ADAM11: variants seen among roughly 807,000 people sequenced by gnomAD.
ADAM11 encodes the protein disintegrin and metalloproteinase domain-containing protein 11.
In ADAM11, 49 loss-of-function variants were observed where a neutral mutation model predicts 119.1. The ratio of observed to expected loss-of-function variants is 0.41; its 90% CI spans 0.33 to 0.52. The LOEUF (loss-of-function observed/expected upper bound fraction) is 0.52, where lower values mean the gene tolerates loss of function less well. ADAM11 is among the 20% of genes least tolerant of loss of function. The pLI is 0.20. For missense variants in ADAM11, 777 were observed against 1,047.5 expected (o/e 0.74, Z 3.56); for synonymous variants, 364 against 408.0 (o/e 0.89, Z 1.30).
chr17:44,772,516 G>C lies in ADAM11; in HGVS notation c.678+50G>C, dbSNP rs945072257. ...GGCTGCAGAGACCTCGGGCTGCAGA[G>C]AGACCTCAGGCCGTGGCCCAGAGCA... On this transcript the variant is annotated intron_variant, in intron 8 of 26. Coordinates refer to ENST00000200557, the MANE Select transcript of ADAM11 (RefSeq NM_002390.6). This position sits in a 1 kb window ranked among gnomAD's most constrained non-coding sequence, Gnocchi z 4.5. 17 of 1,542,388 alleles carry C rather than the reference G, an allele frequency of 1.1e-5. No individual in the cohort carries two copies. Among genetic ancestry groups the C allele is most frequent in the Non-Finnish European group, 1.4e-5 (16 of 1,141,616 alleles).
At position 44,777,661 on chromosome 17, in the gene ADAM11, CAG is replaced by C. The variant is rs761172718; in HGVS notation, c.1902-33_1902-32del. ...TGCAGCTGTGCTGGGGGTTAGGAGA[CAG>C]GGGGCTGAGGCTGGCTGTGTCACTT... On this transcript the variant is annotated intron_variant, in intron 22 of 26. Coordinates refer to ENST00000200557, the MANE Select transcript of ADAM11 (RefSeq NM_002390.6). This position sits in a 1 kb window ranked among gnomAD's most constrained non-coding sequence, Gnocchi z 5.1. 3 of 1,613,344 alleles carry C rather than the reference CAG, an allele frequency of 1.9e-6. No individual in the cohort carries two copies. The highest frequency in any genetic ancestry group is 2.5e-6 in the Non-Finnish European group (3 of 1,179,506).
Position 44,776,822 on chromosome 17 carries a change from G to T in ADAM11, c.1617+27G>T. The stretch of plus-strand genomic sequence containing the variant: ...TATGATGGCTGCCCCCTGAGCCTGG[G>T]ATTCAGGGCAGTCTCTTGTCTCCAC... On this transcript the variant is annotated intron_variant, in intron 19 of 26. Transcript: ENST00000200557. The surrounding 1 kb of genome is among the most constrained non-coding windows in gnomAD (Gnocchi z 5.2). 1 of 1,614,136 alleles carries T rather than the reference G, an allele frequency of 6.2e-7. No individual in the cohort carries two copies. Among genetic ancestry groups the T allele is most frequent in the East Asian group, 2.2e-5 (1 of 44,892 alleles).
chr17:44,777,634 G>T lies in ADAM11; in HGVS notation c.1901+33G>T. On this transcript the variant is annotated intron_variant, in intron 22 of 26. Coordinates refer to ENST00000200557, the MANE Select transcript of ADAM11 (RefSeq NM_002390.6). The surrounding 1 kb of genome is among the most constrained non-coding windows in gnomAD (Gnocchi z 5.1). ...CCAGGACCAAGACTAGGGAGGGGAG[G>T]TTGCAGCTGTGCTGGGGGTTAGGAG... The T allele has an allele frequency of 6.2e-7, 1 of 1,613,930 alleles. No homozygotes were observed.
rs1041614196 is a variant in ADAM11, at chr17:44,773,866, C to T, written c.993-429C>T. On this transcript the variant is annotated intron_variant, in intron 11 of 26. Transcript: ENST00000200557. This position sits in a 1 kb window ranked among gnomAD's most constrained non-coding sequence, Gnocchi z 4.6. Reference sequence around the variant, plus strand: ...ATCTCAGCACTTTGGGAGGCCAAGGCGGGTAGATCATTTCAGGTTACGAGT... The same window carrying T: ...ATCTCAGCACTTTGGGAGGCCAAGGTGGGTAGATCATTTCAGGTTACGAGT... 3.3e-5 allele frequency among the ~76,000 whole-genome samples: 5 copies of T among 152,044 alleles called. No homozygotes were observed. Among genetic ancestry groups the T allele is most frequent in the African/African-American group, 9.7e-5 (4 of 41,372 alleles).
In ADAM11 at chr17:44,773,392, T is replaced by C; in HGVS notation, c.957T>C (p.Gly319=). Residue 319 remains glycine (G), a synonymous_variant, in exon 11 of 27, where the codon GGT becomes GGC. Coordinates refer to ENST00000200557, the MANE Select transcript of ADAM11 (RefSeq NM_002390.6). This position sits in a 1 kb window ranked among gnomAD's most constrained non-coding sequence, Gnocchi z 4.6. ...GGCTCATGGTCTACCGACGGGAGGG[T>C]CTGCCTGAGCCCAGTGATGCCACCC... ...LARLMVYRRE[G]LPEPSDATHL... is the part of the protein sequence containing the mutation. 2 of 1,613,574 alleles carry C rather than the reference T, an allele frequency of 1.2e-6. No individual in the cohort carries two copies. Among genetic ancestry groups the C allele is most frequent in the Non-Finnish European group, 1.7e-6 (2 of 1,179,882 alleles).
chr17:44,772,886 T>C lies in ADAM11; in HGVS notation c.708T>C (p.Ser236=). 1 of 1,613,020 alleles carries C rather than the reference T, an allele frequency of 6.2e-7. No homozygotes were observed. The highest frequency in any genetic ancestry group is 8.5e-7 in the Non-Finnish European group (1 of 1,179,756). Residue 236 remains serine (S), a synonymous_variant, in exon 9 of 27, where the codon AGT becomes AGC. Transcript: ENST00000200557. This position sits in a 1 kb window ranked among gnomAD's most constrained non-coding sequence, Gnocchi z 4.5. ...GCCGGGGCCACCCTACAGTGCACAG[T>C]GAAACCAAGTATGTGGAGCTAATTG... is the stretch of plus-strand genomic sequence containing the variant. The part of the protein sequence containing the change: ...QVRRGHPTVH[S]ETKYVELIVI...
In ADAM11 at chr17:44,774,605, G is replaced by A. The variant is rs1261802860; in HGVS notation, c.1168+23G>A. On this transcript the variant is annotated intron_variant, in intron 13 of 26. Coordinates refer to ENST00000200557, the MANE Select transcript of ADAM11 (RefSeq NM_002390.6). Reference sequence around the variant, plus strand: ...CAGGTATCCTCCCCCAGAGGCCCCCGTGTGGCCCACGCCCAGCAGCTCTGG... The same window carrying A: ...CAGGTATCCTCCCCCAGAGGCCCCCATGTGGCCCACGCCCAGCAGCTCTGG... 5 of 1,608,970 alleles carry A rather than the reference G, an allele frequency of 3.1e-6. No individual in the cohort carries two copies. In the South Asian group the frequency reaches 3.3e-5, roughly 11 times the overall value.
intron 2 of ADAM11, among the ~76,000 whole-genome samples, chr17:44,766,012 G>A (rs2049445905): frequency 6.8e-6 from 1 of 148,098 alleles, no homozygotes; most frequent in African/African-American, 2.5e-5. Context: ...TGAGTGTTGA[G>A]CTCGTGGGCA....
chr17:44,779,720 T>C lies in ADAM11; in HGVS notation c.2295-19T>C. 1 of 1,591,740 alleles carries C rather than the reference T, an allele frequency of 6.3e-7. No individual in the cohort carries two copies. The highest frequency in any genetic ancestry group is 8.5e-7 in the Non-Finnish European group (1 of 1,173,844). On this transcript the variant is annotated intron_variant, in intron 26 of 26. Coordinates refer to ENST00000200557, the MANE Select transcript of ADAM11 (RefSeq NM_002390.6). Reference sequence around the variant, plus strand: ...GGCCCCTGCTCACGTCCTCCCCTGATGCCCCCTCTCCGTTCCAGGTCCGGA... The same window carrying C: ...GGCCCCTGCTCACGTCCTCCCCTGACGCCCCCTCTCCGTTCCAGGTCCGGA...
In ADAM11 at chr17:44,775,530, G is replaced by A; in HGVS notation, c.1393-54G>A. 1 of 1,568,660 alleles carries A rather than the reference G, an allele frequency of 6.4e-7. No individual in the cohort carries two copies. The highest frequency in any genetic ancestry group is 1.1e-5 in the South Asian group (1 of 87,436). ...CGGGGGTGGGCACGAGGGAGCGTCT[G>A]AGTGGGAGGATTAGGGCTCGCCCGC... On this transcript the variant is annotated intron_variant, in intron 16 of 26. Coordinates refer to ENST00000200557, the MANE Select transcript of ADAM11 (RefSeq NM_002390.6). This position sits in a 1 kb window ranked among gnomAD's most constrained non-coding sequence, Gnocchi z 7.5.
chr17:44,770,503 C>CG (rs1555552008), intron 4 of ADAM11, among the ~76,000 whole-genome samples: 20 of 135,076 alleles, frequency 1.5e-4, no homozygotes, highest in African/African-American at 5.6e-4. Context: ...CCCCCCCGCC[C>CG]CCACTGCCTG....
At chr17:44,765,303 G>T (rs2049434237) in intron 2 of ADAM11, among the ~76,000 whole-genome samples, 1 of 152,132 alleles carries the variant, frequency 6.6e-6, no homozygotes, top group Non-Finnish European at 1.5e-5. Flanking sequence ...CCACTCTGCA[G>T]CCACCTGGCC....
chr17:44,762,961 G>A lies in ADAM11; in HGVS notation c.237+3064G>A, dbSNP rs146543174. 6.5e-3 allele frequency among the ~76,000 whole-genome samples: 947 copies of A among 145,944 alleles called. 7 individuals are homozygous for A. Among genetic ancestry groups the A allele is most frequent in the Non-Finnish European group, 0.011 (714 of 66,574 alleles). On this transcript the variant is annotated intron_variant, in intron 2 of 26. Coordinates refer to ENST00000200557, the MANE Select transcript of ADAM11 (RefSeq NM_002390.6). ...GCCTGGGCACCATAGTGAGACTCCC[G>A]TCTCTACCAAAAAAAAAAAAAAAAA...
At chr17:44,779,273 C>A in intron 26 of ADAM11, 34 bp downstream of exon 26, 1 of 1,557,190 alleles carries the variant, frequency 6.4e-7, no homozygotes, top group Non-Finnish European at 8.6e-7. Flanking sequence ...CAGTGTGATG[C>A]CGGCCACGTC....
intron 2 of ADAM11, among the ~76,000 whole-genome samples, chr17:44,763,451 C>T (rs1272999959): frequency 6.6e-6 from 1 of 152,224 alleles, no homozygotes; most frequent in Non-Finnish European, 1.5e-5. Context: ...CTCTTTGCTA[C>T]TGCACTCAAC....
At chr17:44,767,354 CAAAAA>C (rs72428475) in intron 2 of ADAM11, among the ~76,000 whole-genome samples, 1 of 56,918 alleles carries the variant, frequency 1.8e-5, no homozygotes, top group Admixed American at 1.8e-4. Context: ...GACTCCATCT[CAAAAA>C]AAAAAAAAAA....
intron 2 of ADAM11, among the ~76,000 whole-genome samples, chr17:44,766,025 GA>G (rs1382530439): frequency 1.3e-5 from 2 of 151,218 alleles, no homozygotes; most frequent in Non-Finnish European, 3.0e-5. Context: ...CGTGGGCAGG[GA>G]AAAAAAGCAG....
In ADAM11 at chr17:44,759,155, G is replaced by C. The variant is rs1280430382; in HGVS notation, c.-45G>C. 3 of 967,910 alleles carry C rather than the reference G, an allele frequency of 3.1e-6. No homozygotes were observed. Among genetic ancestry groups the C allele is most frequent in the East Asian group, 1.1e-4 (1 of 9,042 alleles). 60.0% of individuals were successfully genotyped at this position (967,910 alleles called of 1,614,324 possible). A position where few individuals can be genotyped will look rare whatever the true frequency, so the allele number is the denominator to read the frequency against. On this transcript the variant is annotated 5_prime_UTR_variant, in exon 1 of 27. Transcript: ENST00000200557. ...CCGTCCCTGCTCCCGCCCTCCCCGC[G>C]CCGCTGGCAGCCGCAGCCCCCGGAC...
chr17:44,772,833 T>C lies in ADAM11; in HGVS notation c.679-24T>C. On this transcript the variant is annotated intron_variant, in intron 8 of 26. Coordinates refer to ENST00000200557, the MANE Select transcript of ADAM11 (RefSeq NM_002390.6). This position sits in a 1 kb window ranked among gnomAD's most constrained non-coding sequence, Gnocchi z 4.5. ...TCAGTCAGACATGGAAGGGACTGAT[T>C]CCAAGTGCCCACCCACCCCCCAGGT... 6.2e-7 allele frequency: 1 copy of C among 1,611,026 alleles called. No individual in the cohort carries two copies. The highest frequency in any genetic ancestry group is 8.5e-7 in the Non-Finnish European group (1 of 1,177,934).
Sources: allele counts gnomAD v4.1 joint callset (sites outside exome capture counted in the v4.1 genomes callset), GRCh38; gene constraint gnomAD v4.1.1; non-coding constraint Gnocchi (gnomAD v3.1); transcripts MANE v1.5; gene names NCBI Gene and HGNC (gene_info 2026-07-23, HGNC 2026-07-21).